EGFLAM: variants seen among roughly 807,000 people sequenced by gnomAD.
The protein encoded by EGFLAM is pikachurin.
EGFLAM carries 79 observed loss-of-function variants against 113.1 expected under a neutral mutation model. The observed-to-expected ratio is 0.70, with a 90% CI of 0.58 to 0.84. The LOEUF (loss-of-function observed/expected upper bound fraction) is 0.84. Among genes scored for constraint, EGFLAM ranks in the 40% least tolerant of loss-of-function variants. The probability of loss-of-function intolerance (pLI) is 0.00; values close to 1 mark genes in which losing one functional copy is unlikely to be tolerated. For missense variants in EGFLAM, 1,265 were observed against 1,291.6 expected (o/e 0.98, Z 0.32); for synonymous variants, 504 against 487.6 (o/e 1.03, Z -0.44).
At chr5:38,338,461 C>G (rs1232544844) in intron 2 of EGFLAM, among the ~76,000 whole-genome samples, 1 of 152,184 alleles carries the variant, frequency 6.6e-6, no homozygotes, top group African/African-American at 2.4e-5. Flanking sequence ...GAGCCATGTG[C>G]AGACCTCTGC....
Position 38,258,700 on chromosome 5 carries a change from G to T in EGFLAM, c.-55G>T. ...GCGTCCCCCACGCGCCCCCGGAGAC[G>T]CCCTTTCCGTGTGCGCCCGGGACTT... On this transcript the variant is annotated 5_prime_UTR_variant, in exon 1 of 22. Coordinates refer to ENST00000322350, the MANE Select transcript of EGFLAM (RefSeq NM_152403.4). 1 of 1,558,418 alleles carries T rather than the reference G, an allele frequency of 6.4e-7. No individual in the cohort carries two copies. Among genetic ancestry groups the T allele is most frequent in the Non-Finnish European group, 8.7e-7 (1 of 1,147,906 alleles).
intron 6 of EGFLAM, among the ~76,000 whole-genome samples, chr5:38,398,926 TG>T (rs113642316): frequency 0.049 from 7,471 of 152,284 alleles, 620 homozygotes; most frequent in African/African-American, 0.17. Flanking sequence ...GCACTTTTTT[TG>T]GCCCACTTTT....
At chr5:38,435,949 C>T (rs1345156244) in intron 16 of EGFLAM, among the ~76,000 whole-genome samples, 2 of 151,378 alleles carry the variant, frequency 1.3e-5, no homozygotes, top group African/African-American at 2.4e-5. Flanking sequence ...TCCCGAATAG[C>T]TGGGATTACA....
Position 38,428,803 on chromosome 5 carries a change from AT to A in EGFLAM, c.2054+1560del, listed in dbSNP as rs922159160. 1.2e-4 allele frequency among the ~76,000 whole-genome samples: 18 copies of A among 151,818 alleles called. No individual in the cohort carries two copies. The South Asian group carries it at 2.9e-3, about 25-fold the overall frequency. ...TTATTTTTGACACGAGGTGCTTTTA[AT>A]TTTTTTTTGTAAATTTACTAAGTTA... is the stretch of plus-strand genomic sequence containing the variant. On this transcript the variant is annotated intron_variant, in intron 14 of 21. Transcript: ENST00000322350.
chr5:38,360,313 T>C (rs1330001229), intron 5 of EGFLAM, among the ~76,000 whole-genome samples: 1 of 152,202 alleles, frequency 6.6e-6, no homozygotes, highest in Admixed American at 6.5e-5. Context: ...CATAGTATCA[T>C]CTCTTGAGGT....
intron 1 of EGFLAM, among the ~76,000 whole-genome samples, chr5:38,263,824 A>G (rs1021325015): frequency 1.3e-5 from 2 of 151,894 alleles, no homozygotes; most frequent in African/African-American, 4.8e-5. Flanking sequence ...GTCAAGGTTT[A>G]TTTGCTTTTG....
At chr5:38,438,145 A>ATTTT in intron 16 of EGFLAM, 130 bp from the exon 17 acceptor site, 1 of 797,068 alleles carries the variant, frequency 1.3e-6, no homozygotes. Flanking sequence ...AAAAAAGTGG[A>ATTTT]AACTGGACTT....
intron 5 of EGFLAM, among the ~76,000 whole-genome samples, chr5:38,356,031 A>T (rs982685827): frequency 2.0e-5 from 3 of 152,224 alleles, no homozygotes; most frequent in Non-Finnish European, 2.9e-5. Flanking sequence ...AAGTGCTGGG[A>T]TTACAGGCAT....
chr5:38,264,743 G>A (rs2111690895), intron 1 of EGFLAM, among the ~76,000 whole-genome samples: 1 of 152,238 alleles, frequency 6.6e-6, no homozygotes, highest in South Asian at 2.1e-4. Context: ...CCATATCCCA[G>A]TGCTGATTCA....
intron 1 of EGFLAM, among the ~76,000 whole-genome samples, chr5:38,275,243 T>C (rs1443907584): frequency 6.6e-6 from 1 of 152,160 alleles, no homozygotes; most frequent in Non-Finnish European, 1.5e-5. Flanking sequence ...TTACTTTGAA[T>C]ATAAATTGAT....
chr5:38,445,939 G>A (rs1256143647), intron 17 of EGFLAM, among the ~76,000 whole-genome samples: 4 of 152,102 alleles, frequency 2.6e-5, no homozygotes, highest in Non-Finnish European at 2.9e-5. Context: ...CCGATGTGTG[G>A]CAGGCACGTC....
intron 1 of EGFLAM, among the ~76,000 whole-genome samples, chr5:38,331,064 C>G (rs1262947357): frequency 6.6e-6 from 1 of 152,108 alleles, no homozygotes; most frequent in African/African-American, 2.4e-5. Context: ...AAATATTTAA[C>G]CTATTTTTTA....
chr5:38,327,492 G>C (rs1738921277), intron 1 of EGFLAM, among the ~76,000 whole-genome samples: 1 of 152,160 alleles, frequency 6.6e-6, no homozygotes, highest in African/African-American at 2.4e-5. Flanking sequence ...TTGCCTTCAA[G>C]TTATTTTTCA....
At chr5:38,417,918 A>G in intron 11 of EGFLAM, 148 bp from the exon 12 acceptor site, 1 of 773,874 alleles carries the variant, frequency 1.3e-6, no homozygotes, top group Non-Finnish European at 2.0e-6. Flanking sequence ...ATTTTCCAGT[A>G]AGGCAAGGTC....
chr5:38,450,083 G>A (rs1167110604), intron 18 of EGFLAM, among the ~76,000 whole-genome samples: 1 of 152,146 alleles, frequency 6.6e-6, no homozygotes, highest in African/African-American at 2.4e-5. Flanking sequence ...TCCCAGAATT[G>A]TATCTCATTG....
At chr5:38,268,574 A>G (rs1292436862) in intron 1 of EGFLAM, among the ~76,000 whole-genome samples, 1 of 152,228 alleles carries the variant, frequency 6.6e-6, no homozygotes, top group African/African-American at 2.4e-5. Flanking sequence ...AAGAGGAAAC[A>G]TCACCAAATT....
At chr5:38,288,464 C>G (rs760650115) in intron 1 of EGFLAM, among the ~76,000 whole-genome samples, 4 of 152,160 alleles carry the variant, frequency 2.6e-5, no homozygotes, top group Non-Finnish European at 5.9e-5. Flanking sequence ...AGAAGGCCCT[C>G]CTTTCACAAT....
intron 17 of EGFLAM, 57 bp downstream of exon 17, chr5:38,438,512 C>A: frequency 6.9e-7 from 1 of 1,450,420 alleles, no homozygotes; most frequent in Non-Finnish European, 9.1e-7. Context: ...AACGGACAGC[C>A]AATTGGGGGA....
intron 2 of EGFLAM, among the ~76,000 whole-genome samples, chr5:38,338,369 A>G (rs1416331928): frequency 6.6e-6 from 1 of 152,196 alleles, no homozygotes; most frequent in African/African-American, 2.4e-5. Context: ...GTAGAGGAAT[A>G]TATCTCTGGG....
Sources: allele counts gnomAD v4.1 joint callset (sites outside exome capture counted in the v4.1 genomes callset), GRCh38; gene constraint gnomAD v4.1.1; transcripts MANE v1.5; gene names NCBI Gene and HGNC (gene_info 2026-07-23, HGNC 2026-07-21).